The following KANSL1 variants were observed in gnomAD, a reference collection of about 807,000 sequenced individuals.
KANSL1 encodes the protein MLL1/MLL complex subunit KANSL1.
KANSL1 carries 22 observed loss-of-function variants against 103.6 expected under a neutral mutation model. That is an observed-to-expected ratio of 0.21 (90% CI 0.15 to 0.30). The LOEUF is 0.30. Ranked by LOEUF, KANSL1 falls within the 10% of genes least tolerant of loss-of-function variation. The pLI is 1.00. For synonymous variants in KANSL1, 600 were observed against 527.6 expected (o/e 1.14, Z -1.88); for missense variants, 1,337 against 1,399.8 (o/e 0.96, Z 0.72).
rs1032537694 is a variant in KANSL1 at position 46,151,608 on chromosome 17, T to A, written c.1289+19247A>T. Among the ~76,000 whole-genome samples, 6 of 152,390 alleles carry A rather than the reference T, an allele frequency of 3.9e-5. No homozygotes were observed. In the East Asian group the frequency reaches 1.2e-3, roughly 29 times the overall value. On this transcript the variant is annotated intron_variant, in intron 2 of 14. Transcript: ENST00000432791. ...ACTCCCTGAAAACTGTAATATCTTATTGGCTGCTGTACTCCTTGTAACTAA... is the reference window on the plus strand; with the variant it reads ...ACTCCCTGAAAACTGTAATATCTTAATGGCTGCTGTACTCCTTGTAACTAA...
At chr17:46,119,231 A>AG (rs1400709530) in intron 2 of KANSL1, among the ~76,000 whole-genome samples, 1 of 152,200 alleles carries the variant, frequency 6.6e-6, no homozygotes, top group African/African-American at 2.4e-5. Context: ...TCATTTGTCA[A>AG]GGGGTTAGGT....
intron 2 of KANSL1, among the ~76,000 whole-genome samples, chr17:46,099,708 T>G (rs2042230180): frequency 6.6e-6 from 1 of 152,244 alleles, no homozygotes; most frequent in South Asian, 2.1e-4. Context: ...GACACTAGAA[T>G]GCCTTAGAAC....
intron 1 of KANSL1, among the ~76,000 whole-genome samples, chr17:46,219,553 G>C (rs1415782663): frequency 6.6e-6 from 1 of 152,230 alleles, no homozygotes; most frequent in East Asian, 1.9e-4. Flanking sequence ...TTTTAGTAGA[G>C]ATGGGGTTTT....
chr17:46,047,813 A>AC (rs984725542), intron 7 of KANSL1, among the ~76,000 whole-genome samples: 11 of 136,204 alleles, frequency 8.1e-5, no homozygotes, highest in African/African-American at 1.8e-4. Flanking sequence ...AAAAAAAAAA[A>AC]AAAAACAAAA....
At position 46,094,687 on chromosome 17, in the gene KANSL1, T is replaced by C. The variant is rs2041985905; in HGVS notation, c.1304A>G (p.Glu435Gly). The C allele has an allele frequency of 6.2e-7, 1 of 1,614,064 alleles. No homozygotes were observed. The highest frequency in any genetic ancestry group is 8.5e-7 in the Non-Finnish European group (1 of 1,180,050). Residue 435 changes from glutamate to glycine, a missense_variant, in exon 3 of 15, where the codon GAA becomes GGA. Physicochemically the swap from Glu to Gly is moderately conservative, Grantham distance 98. Around this residue, in one of 2 missense-constraint regions of KANSL1, gnomAD observed 780 missense variants for 923.4 expected, o/e 0.84. Transcript: ENST00000432791. ...TGCCCGGTCTGCAGCCCATTTCCAT[T>C]CTGACCTGCGTCTCCTAAAAGGAAA... The part of the protein sequence containing the change: ...QRHVPLRRRS[E>G]WKWAADRAAI...
At chr17:46,173,562 T>G (rs574438242) in intron 1 of KANSL1, among the ~76,000 whole-genome samples, 1 of 152,330 alleles carries the variant, frequency 6.6e-6, no homozygotes, top group South Asian at 2.1e-4. Flanking sequence ...ACAGGCTATT[T>G]TGGAGGTTCG....
intron 7 of KANSL1, chr17:46,049,576 A>C (rs1490390362): frequency 6.6e-6 from 1 of 152,228 alleles, no homozygotes; most frequent in Non-Finnish European, 1.5e-5. Flanking sequence ...TTGGTCTCCC[A>C]AAGTGACGGG....
chr17:46,161,181 G>A (rs565928353), intron 2 of KANSL1, among the ~76,000 whole-genome samples: 13 of 150,012 alleles, frequency 8.7e-5, no homozygotes, highest in South Asian at 4.2e-4. Flanking sequence ...TTGGGAGGCC[G>A]AGGTGGGCTG....
In KANSL1 at chr17:46,088,002, C is replaced by G. The variant is rs971537808; in HGVS notation, c.1432-5460G>C. On this transcript the variant is annotated intron_variant, in intron 3 of 14. Coordinates refer to ENST00000432791, the MANE Select transcript of KANSL1 (RefSeq NM_015443.4). Reference sequence around the variant, plus strand: ...TGGCAATAAACTTAGGGCTGCTGTACTATGAAATAGCAACCGGTAGAAGCC... The same window carrying G: ...TGGCAATAAACTTAGGGCTGCTGTAGTATGAAATAGCAACCGGTAGAAGCC... Among the ~76,000 whole-genome samples the G allele has an allele frequency of 2.0e-5, 3 of 152,196 alleles. No individual in the cohort carries two copies. The East Asian group carries it at 5.8e-4, about 29-fold the overall frequency.
chr17:46,059,232 G>A (rs2078058747), intron 6 of KANSL1, among the ~76,000 whole-genome samples: 1 of 152,108 alleles, frequency 6.6e-6, no homozygotes, highest in Non-Finnish European at 1.5e-5. Flanking sequence ...TGAATGGTAG[G>A]AGGCTACAAA....
At chr17:46,038,480 CT>C in intron 10 of KANSL1, 57 bp downstream of exon 10, 1 of 1,587,258 alleles carries the variant, frequency 6.3e-7, no homozygotes, top group Non-Finnish European at 8.6e-7. Flanking sequence ...TCTGGAGCCA[CT>C]TGAGTGAGCT....
chr17:46,219,827 G>A (rs1421526042), intron 1 of KANSL1, among the ~76,000 whole-genome samples: 1 of 152,228 alleles, frequency 6.6e-6, no homozygotes, highest in East Asian at 1.9e-4. Context: ...CTCTCGGCTG[G>A]GCACGGTGGC....
intron 1 of KANSL1, among the ~76,000 whole-genome samples, chr17:46,220,593 A>G (rs1212332967): frequency 6.6e-6 from 1 of 152,280 alleles, no homozygotes; most frequent in Non-Finnish European, 1.5e-5. Flanking sequence ...ATGCAATGAG[A>G]AGTCTCCTTC....
chr17:46,148,590 C>CTTTTTTTT (rs373641135), intron 2 of KANSL1, among the ~76,000 whole-genome samples: 1 of 145,172 alleles, frequency 6.9e-6, no homozygotes, highest in Non-Finnish European at 1.5e-5. Context: ...CTTCACTTAC[C>CTTTTTTTT]TTTTTTTTTT....
chr17:46,077,939 T>C (rs2078845303), intron 4 of KANSL1, among the ~76,000 whole-genome samples: 1 of 152,192 alleles, frequency 6.6e-6, no homozygotes, highest in Non-Finnish European at 1.5e-5. Context: ...CCATCTTTTT[T>C]TTTCTTTTTC....
At chr17:46,077,701 G>T (rs957863065) in intron 4 of KANSL1, among the ~76,000 whole-genome samples, 3 of 152,096 alleles carry the variant, frequency 2.0e-5, no homozygotes, top group African/African-American at 7.2e-5. Flanking sequence ...GGGATTACAG[G>T]TGTCTGCCAC....
At chr17:46,183,480 C>A (rs1161192296) in intron 1 of KANSL1, among the ~76,000 whole-genome samples, 5 of 151,970 alleles carry the variant, frequency 3.3e-5, no homozygotes, top group Admixed American at 6.6e-5. Context: ...GTGGAGGTCG[C>A]AGTGAGCTGT....
chr17:46,220,464 C>A (rs1457185742), intron 1 of KANSL1, among the ~76,000 whole-genome samples: 6 of 152,190 alleles, frequency 3.9e-5, no homozygotes, highest in Non-Finnish European at 8.8e-5. Flanking sequence ...GATCCGCCCG[C>A]CTCGGCCTCC....
intron 6 of KANSL1, among the ~76,000 whole-genome samples, chr17:46,064,050 T>G (rs1598519634): frequency 8.6e-6 from 1 of 116,058 alleles, no homozygotes; most frequent in South Asian, 2.5e-4. Context: ...ATACGACTAT[T>G]AGTAAAAAAA....
Sources: allele counts gnomAD v4.1 joint callset (sites outside exome capture counted in the v4.1 genomes callset), GRCh38; gene constraint gnomAD v4.1.1; regional missense constraint gnomAD v4.1.1; transcripts MANE v1.5; gene names NCBI Gene and HGNC (gene_info 2026-07-23, HGNC 2026-07-21).